BTBD9: variants seen among roughly 807,000 people sequenced by gnomAD.
BTBD9 encodes the protein BTB domain containing 9.
In BTBD9, 49 loss-of-function variants were observed where a neutral mutation model predicts 64.3. The observed-to-expected ratio is 0.76, with a 90% CI of 0.61 to 0.97. BTBD9 has a LOEUF of 0.97. Among genes scored for constraint, BTBD9 ranks in the 50% least tolerant of loss-of-function variants. The pLI is 0.00. For missense variants in BTBD9, 598 were observed against 762.1 expected (o/e 0.78, Z 2.53); for synonymous variants, 260 against 274.7 (o/e 0.95, Z 0.53).
intron 1 of BTBD9, among the ~76,000 whole-genome samples, chr6:38,603,887 A>C (rs1245423362): frequency 6.6e-6 from 1 of 152,194 alleles, no homozygotes. Flanking sequence ...GTGCTGTGTA[A>C]TTTGAAGTAG....
chr6:38,211,976 G>A (rs1762849998), intron 9 of BTBD9, among the ~76,000 whole-genome samples: 1 of 152,220 alleles, frequency 6.6e-6, no homozygotes, highest in Non-Finnish European at 1.5e-5. Flanking sequence ...CTGACCCATG[G>A]CTGGGTGATG....
At chr6:38,410,990 A>C (rs1310218212) in intron 6 of BTBD9, among the ~76,000 whole-genome samples, 8 of 152,070 alleles carry the variant, frequency 5.3e-5, no homozygotes, top group African/African-American at 1.9e-4. Flanking sequence ...CCACATTCTG[A>C]TTGCTGACCA....
intron 6 of BTBD9, among the ~76,000 whole-genome samples, chr6:38,560,195 T>TTA (rs1775207511): frequency 6.6e-6 from 1 of 151,964 alleles, no homozygotes; most frequent in African/African-American, 2.4e-5. Context: ...TATCTAGAAT[T>TTA]TATACGGAAC....
intron 4 of BTBD9, among the ~76,000 whole-genome samples, chr6:38,581,929 C>T (rs1307466153): frequency 6.6e-6 from 1 of 152,136 alleles, no homozygotes; most frequent in African/African-American, 2.4e-5. Context: ...TGTATGTTTA[C>T]AGACTGTAAA....
intron 1 of BTBD9, among the ~76,000 whole-genome samples, chr6:38,612,606 G>C (rs569805850): frequency 6.6e-6 from 1 of 152,138 alleles, no homozygotes; most frequent in Non-Finnish European, 1.5e-5. Context: ...TTATTCCCAA[G>C]ATGACTTAAG....
chr6:38,388,558 T>A (rs142137217), intron 6 of BTBD9, among the ~76,000 whole-genome samples: 5 of 152,216 alleles, frequency 3.3e-5, no homozygotes, highest in African/African-American at 1.2e-4. Context: ...TATATTAGAT[T>A]TTCCTATCTC....
intron 10 of BTBD9, among the ~76,000 whole-genome samples, chr6:38,181,817 G>A (rs770137874): frequency 3.9e-5 from 6 of 151,984 alleles, no homozygotes; most frequent in Admixed American, 6.6e-5. Context: ...TCAAAACCTG[G>A]TCTCTACTAA....
rs187888125 is a variant in BTBD9, at chr6:38,258,434, T to G, written c.1455-1918A>C. Among the ~76,000 whole-genome samples the G allele has an allele frequency of 2.0e-5, 3 of 152,378 alleles. No homozygotes were observed. In the East Asian group the frequency reaches 5.8e-4, roughly 29 times the overall value. ...ACAAACTATGTGTTTTACTGCTTTA[T>G]AGTTGGTCATATGTGTTTGCTTCTT... On this transcript the variant is annotated intron_variant, in intron 8 of 10. Coordinates refer to ENST00000481247, the MANE Select transcript of BTBD9 (RefSeq NM_001099272.2).
intron 6 of BTBD9, among the ~76,000 whole-genome samples, chr6:38,510,732 A>T (rs746730433): frequency 5.7e-4 from 87 of 152,182 alleles, no homozygotes; most frequent in Non-Finnish European, 1.1e-3. Flanking sequence ...ATTAAATACT[A>T]AGACATAAAC....
intron 8 of BTBD9, among the ~76,000 whole-genome samples, chr6:38,279,019 C>G (rs558153788): frequency 9.8e-5 from 15 of 152,292 alleles, no homozygotes; most frequent in African/African-American, 3.6e-4. Flanking sequence ...AATAATGATT[C>G]CTCAGCTAGA....
At chr6:38,346,422 T>A (rs1024501957) in intron 6 of BTBD9, among the ~76,000 whole-genome samples, 1 of 152,044 alleles carries the variant, frequency 6.6e-6, no homozygotes. Context: ...CACTCACCTT[T>A]ATAACCAATA....
chr6:38,177,989 G>C (rs1330082989), intron 10 of BTBD9, among the ~76,000 whole-genome samples: 6 of 152,206 alleles, frequency 3.9e-5, no homozygotes, highest in Admixed American at 3.9e-4. Context: ...GAAGCCCCTG[G>C]AAGCCCTAGG....
At chr6:38,444,158 G>A (rs1769168723) in intron 6 of BTBD9, among the ~76,000 whole-genome samples, 1 of 152,146 alleles carries the variant, frequency 6.6e-6, no homozygotes, top group Non-Finnish European at 1.5e-5. Flanking sequence ...CCATCTAGAA[G>A]AGGTTAAATC....
intron 8 of BTBD9, among the ~76,000 whole-genome samples, chr6:38,257,157 C>G (rs921830006): frequency 6.6e-6 from 1 of 150,660 alleles, no homozygotes; most frequent in Non-Finnish European, 1.5e-5. Flanking sequence ...CCTACCTTTG[C>G]CTCCCAAAGT....
At chr6:38,322,169 T>G (rs895072085) in intron 7 of BTBD9, among the ~76,000 whole-genome samples, 1 of 152,082 alleles carries the variant, frequency 6.6e-6, no homozygotes, top group African/African-American at 2.4e-5. Flanking sequence ...GCATTCTGGC[T>G]GATAAGGACG....
chr6:38,469,783 C>T (rs929602217), intron 6 of BTBD9, among the ~76,000 whole-genome samples: 9 of 152,172 alleles, frequency 5.9e-5, no homozygotes, highest in African/African-American at 2.2e-4. Flanking sequence ...TGAACTATAG[C>T]ACCTCTATTC....
At chr6:38,458,846 G>A (rs1769939802) in intron 6 of BTBD9, among the ~76,000 whole-genome samples, 1 of 151,890 alleles carries the variant, frequency 6.6e-6, no homozygotes, top group Non-Finnish European at 1.5e-5. Flanking sequence ...TATAACAAAT[G>A]AGAATACACA....
intron 9 of BTBD9, among the ~76,000 whole-genome samples, chr6:38,247,547 T>C (rs1273727389): frequency 6.6e-6 from 1 of 152,076 alleles, no homozygotes; most frequent in African/African-American, 2.4e-5. Flanking sequence ...CAACATTAGG[T>C]TGCTGTAGAG....
At chr6:38,429,281 C>A (rs955524433) in intron 6 of BTBD9, among the ~76,000 whole-genome samples, 4 of 150,886 alleles carry the variant, frequency 2.7e-5, no homozygotes, top group Middle Eastern at 3.4e-3. Flanking sequence ...ATAGTGAGAC[C>A]CTGTCTCTAC....
Sources: gnomAD v4.1 joint callset for allele counts (sites outside exome capture counted in the v4.1 genomes callset) on GRCh38, gnomAD v4.1.1 for gene constraint, MANE v1.5 for transcripts, NCBI Gene and HGNC (gene_info 2026-07-23, HGNC 2026-07-21) for gene names.